Variants in DLG1 observed in about 807,000 individuals in gnomAD.
The protein encoded by DLG1 is discs large MAGUK scaffold protein 1.
Under a neutral mutation model 123.4 loss-of-function variants are expected in DLG1, and 42 were observed. The observed-to-expected ratio is 0.34, with a 90% CI of 0.27 to 0.44. The LOEUF is 0.44. Among genes scored for constraint, DLG1 ranks in the 20% least tolerant of loss-of-function variants. The probability of loss-of-function intolerance (pLI) is 1.00; values close to 1 mark genes in which losing one functional copy is unlikely to be tolerated. For synonymous variants in DLG1, 317 were observed against 356.2 expected (o/e 0.89, Z 1.24); for missense variants, 942 against 1,082.6 (o/e 0.87, Z 1.82).
intron 4 of DLG1, among the ~76,000 whole-genome samples, chr3:197,231,459 T>G (rs557048567): frequency 8.5e-5 from 13 of 152,078 alleles, no homozygotes; most frequent in Non-Finnish European, 1.9e-4. Flanking sequence ...CCCAACACTT[T>G]GGGAGGCCGA....
chr3:197,201,653 G>A (rs1247328339), intron 4 of DLG1, among the ~76,000 whole-genome samples: 1 of 152,106 alleles, frequency 6.6e-6, no homozygotes, highest in Non-Finnish European at 1.5e-5. Flanking sequence ...ACAAAACAGT[G>A]ATGAAATACA....
At chr3:197,157,253 T>C (rs776035745) in intron 5 of DLG1, among the ~76,000 whole-genome samples, 4 of 152,228 alleles carry the variant, frequency 2.6e-5, no homozygotes, top group Non-Finnish European at 5.9e-5. Flanking sequence ...TGTTCACAAA[T>C]GATATGATCT....
At chr3:197,269,408 T>C (rs1171830938) in intron 4 of DLG1, among the ~76,000 whole-genome samples, 3 of 152,230 alleles carry the variant, frequency 2.0e-5, no homozygotes, top group Admixed American at 6.5e-5. Flanking sequence ...TGTATTTCTA[T>C]AGCTTTTTTA....
At chr3:197,297,130 C>G (rs1328256457) in intron 2 of DLG1, 56 bp downstream of exon 2, 2 of 1,601,306 alleles carry the variant, frequency 1.2e-6, no homozygotes, top group Non-Finnish European at 1.7e-6. Flanking sequence ...AATCAAAAAA[C>G]TGACACACGG....
chr3:197,252,008 C>A (rs572692334), intron 4 of DLG1, among the ~76,000 whole-genome samples: 6 of 152,246 alleles, frequency 3.9e-5, no homozygotes, highest in African/African-American at 1.2e-4. Flanking sequence ...CCTGGCTGTA[C>A]AGAACAGTCT....
chr3:197,278,746 A>G (rs1472611263), intron 4 of DLG1, among the ~76,000 whole-genome samples: 1 of 152,128 alleles, frequency 6.6e-6, no homozygotes, highest in Admixed American at 6.5e-5. Flanking sequence ...CTTAAAAAAA[A>G]AAAAGACAAA....
At chr3:197,259,079 A>G (rs1578873152) in intron 4 of DLG1, among the ~76,000 whole-genome samples, 1 of 152,316 alleles carries the variant, frequency 6.6e-6, no homozygotes, top group Middle Eastern at 3.4e-3. Context: ...TAACCTTGCT[A>G]TAATACTGGA....
At position 197,296,442 on chromosome 3, in the gene DLG1, G is replaced by A; in HGVS notation, c.55C>T (p.Arg19Cys). ...QRALHLLEEYRSKLSQTEDRQ... is the reference protein window; with the variant it reads ...QRALHLLEEYCSKLSQTEDRQ... ...TCTTCAGTTTGGCTTAGTTTTGAAC[G>A]ATATTCCTCCAAAAGGTGCAATGCT... Residue 19 changes from arginine (R) to cysteine (C), a missense_variant, in exon 3 of 25, where the codon CGT (arginine) becomes TGT (cysteine). Arg to Cys is a radical substitution (Grantham distance 180, BLOSUM62 -3). Transcript: ENST00000667157. The A allele has an allele frequency of 6.2e-7, 1 of 1,613,486 alleles. No homozygotes were observed. Among genetic ancestry groups the A allele is most frequent in the Non-Finnish European group, 8.5e-7 (1 of 1,179,520 alleles).
At position 197,233,049 on chromosome 3, in the gene DLG1, C is replaced by T. The variant is rs530165966; in HGVS notation, c.319-38460G>A. ...CTGACTGGAAAGGAAGAAGTAATTA[C>T]AAAATATGTAGAAAATCCTAAGGAA... On this transcript the variant is annotated intron_variant, in intron 4 of 24. Transcript: ENST00000667157. 3.3e-5 allele frequency among the ~76,000 whole-genome samples: 5 copies of T among 152,078 alleles called. No homozygotes were observed. In the East Asian group the frequency reaches 9.7e-4, roughly 29 times the overall value.
At chr3:197,063,013 A>ACTGTAAGCCCATACACTC (rs1236731592) in intron 22 of DLG1, among the ~76,000 whole-genome samples, 1 of 152,060 alleles carries the variant, frequency 6.6e-6, no homozygotes, top group African/African-American at 2.4e-5. Context: ...TAGTTTCAGA[A>ACTGTAAGCCCATACACTC]CTGTAAGCCC....
At chr3:197,142,967 C>T (rs372432562) in intron 6 of DLG1, among the ~76,000 whole-genome samples, 199 bp from the exon 7 acceptor site, 1 of 152,194 alleles carries the variant, frequency 6.6e-6, no homozygotes, top group African/African-American at 2.4e-5. Flanking sequence ...TGACAACATT[C>T]GTGGTATCAT....
chr3:197,297,251 C>CG lies in DLG1; in HGVS notation c.-31-17dup. On this transcript the variant is annotated splice_polypyrimidine_tract_variant and intron_variant, in intron 1 of 24. Transcript: ENST00000667157. ...GGGCACACACCTTTAAAACACACAA[C>CG]GGAAAGGAAAAAGGATAGAATCATG... The CG allele has an allele frequency of 6.2e-7, 1 of 1,612,466 alleles. No homozygotes were observed. Among genetic ancestry groups the CG allele is most frequent in the South Asian group, 1.1e-5 (1 of 90,828 alleles).
chr3:197,151,273 T>C (rs759648052), intron 5 of DLG1, among the ~76,000 whole-genome samples: 52 of 152,308 alleles, frequency 3.4e-4, no homozygotes, highest in Non-Finnish European at 7.2e-4. Context: ...AAAAACACTA[T>C]GGCAAGAAAG....
intron 10 of DLG1, 140 bp from the exon 11 acceptor site, chr3:197,130,811 A>G: frequency 8.0e-6 from 5 of 621,610 alleles, no homozygotes; most frequent in Non-Finnish European, 1.3e-5. Context: ...CCCATGTTTG[A>G]TGTCTATGAT....
chr3:197,266,247 G>GAA (rs538872939), intron 4 of DLG1, among the ~76,000 whole-genome samples: 6 of 151,448 alleles, frequency 4.0e-5, no homozygotes, highest in Non-Finnish European at 7.4e-5. Context: ...CCAGAGAAGA[G>GAA]AAAAAAAATC....
chr3:197,268,889 C>T (rs185086803), intron 4 of DLG1, among the ~76,000 whole-genome samples: 296 of 146,428 alleles, frequency 2.0e-3, no homozygotes, highest in Non-Finnish European at 3.8e-3. Flanking sequence ...CTTTTAAATA[C>T]TGTTAAAAAC....
intron 14 of DLG1, among the ~76,000 whole-genome samples, chr3:197,100,803 C>T (rs931929320): frequency 6.6e-6 from 1 of 152,160 alleles, no homozygotes; most frequent in African/African-American, 2.4e-5. Context: ...GTGCAGCTTC[C>T]GAGAAATGAA....
Position 197,297,781 on chromosome 3 carries a change from A to C in DLG1, c.-31-546T>G, listed in dbSNP as rs572572680. ...CGCATGCACACCTCCGCGGGCCCCC[A>C]CACCTGCGGCGCCGCCACAAAGTTC... On this transcript the variant is annotated intron_variant, in intron 1 of 24. Coordinates refer to ENST00000667157, the MANE Select transcript of DLG1 (RefSeq NM_001366207.1). The C allele has an allele frequency of 3.0e-3, 2,956 of 985,108 alleles. 65 individuals are homozygous for C. The African/African-American group carries it at 0.048, about 16-fold the overall frequency. 61.0% of individuals were successfully genotyped at this position (985,108 alleles called of 1,614,324 possible).
At position 197,076,684 on chromosome 3, in the gene DLG1, T is replaced by A; in HGVS notation, c.1907A>T (p.Gln636Leu). The change falls in exon 18 of 25, where the codon CAG becomes CTG. Residue 636 changes from glutamine (Q) to leucine (L), a missense_variant and splice_region_variant. Transcript: ENST00000667157. ...KFNSKTRDKGQSFNDKRKKNL... is the reference protein window; with the variant it reads ...KFNSKTRDKGLSFNDKRKKNL... ...CTTTTTACGCTTGTCATTGAATGAC[T>A]GCTGAAGAAGAGAAGGAGGGGCAAA... is the stretch of plus-strand genomic sequence containing the variant. 2 of 1,611,264 alleles carry A rather than the reference T, an allele frequency of 1.2e-6. No homozygotes were observed. The highest frequency in any genetic ancestry group is 1.7e-6 in the Non-Finnish European group (2 of 1,177,850).
Sources: gnomAD v4.1 joint callset for allele counts (sites outside exome capture counted in the v4.1 genomes callset) on GRCh38, gnomAD v4.1.1 for gene constraint, MANE v1.5 for transcripts, NCBI Gene and HGNC (gene_info 2026-07-23, HGNC 2026-07-21) for gene names.